Variants in ERGIC2 observed in about 807,000 individuals in gnomAD.
ERGIC2 encodes endoplasmic reticulum-Golgi intermediate compartment protein 2.
ERGIC2 carries 31 observed loss-of-function variants against 52.5 expected under a neutral mutation model. The ratio of observed to expected loss-of-function variants is 0.59; its 90% confidence interval spans 0.44 to 0.80. The LOEUF is 0.80. Among genes scored for constraint, ERGIC2 ranks in the 30% least tolerant of loss-of-function variants. ERGIC2 has a pLI of 0.00. For missense variants in ERGIC2, 395 were observed against 455.2 expected (o/e 0.87, Z 1.20); for synonymous variants, 129 against 140.6 (o/e 0.92, Z 0.58).
At chr12:29,353,891 C>G (rs1425182291) in intron 8 of ERGIC2, among the ~76,000 whole-genome samples, 2 of 152,086 alleles carry the variant, frequency 1.3e-5, no homozygotes, top group Non-Finnish European at 2.9e-5. Context: ...GATGGATATT[C>G]AGAATTTACC....
intron 8 of ERGIC2, 28 bp downstream of exon 8, chr12:29,356,354 G>GT (rs1182296915): frequency 2.3e-6 from 3 of 1,294,124 alleles, no homozygotes; most frequent in Non-Finnish European, 3.4e-6. Flanking sequence ...TTTGTCTAAA[G>GT]TATTTTCAGT....
At chr12:29,357,747 G>A (rs1010569493) in intron 6 of ERGIC2, 23 bp from the exon 7 acceptor site, 16 of 1,342,792 alleles carry the variant, frequency 1.2e-5, no homozygotes, top group Middle Eastern at 1.8e-4. Context: ...CAATAATTTA[G>A]AACTACAGAA....
At chr12:29,359,839 C>T (rs1373082635) in intron 6 of ERGIC2, among the ~76,000 whole-genome samples, 4 of 151,598 alleles carry the variant, frequency 2.6e-5, no homozygotes, top group Non-Finnish European at 5.9e-5. Context: ...CAAGACATAA[C>T]CTAGAAAATA....
At chr12:29,372,039 C>T (rs527597024) in intron 1 of ERGIC2, among the ~76,000 whole-genome samples, 154 of 152,218 alleles carry the variant, frequency 1.0e-3, no homozygotes, top group African/African-American at 3.6e-3. Flanking sequence ...CCTGCTCATA[C>T]ATTACTAACA....
At chr12:29,356,618 G>A (rs937199709) in intron 7 of ERGIC2, 141 bp from the exon 8 acceptor site, 12 of 490,474 alleles carry the variant, frequency 2.4e-5, no homozygotes, top group African/African-American at 2.4e-4. Context: ...ATAGTTTCCT[G>A]AAGTCTAGAC....
chr12:29,349,967 T>G, intron 9 of ERGIC2, 46 bp downstream of exon 9: 1 of 1,243,078 alleles, frequency 8.0e-7, no homozygotes, highest in Non-Finnish European at 1.2e-6. Context: ...AAAAATAATA[T>G]TTTTTCAAGT....
At position 29,354,378 on chromosome 12, in the gene ERGIC2, T is replaced by G. The variant is rs572966803; in HGVS notation, c.572+2004A>C. Among the ~76,000 whole-genome samples, 3 of 152,362 alleles carry G rather than the reference T, an allele frequency of 2.0e-5. No individual in the cohort carries two copies. In the East Asian group the frequency reaches 5.8e-4, roughly 29 times the overall value. ...ATGATATCTGAGTAGCCAATACATC[T>G]GTTTCAGTCTGCATTTGTAGCAATT... On this transcript the variant is annotated intron_variant, in intron 8 of 13. Transcript: ENST00000360150.
chr12:29,366,102 A>G (rs1281285606), intron 5 of ERGIC2, among the ~76,000 whole-genome samples: 1 of 151,934 alleles, frequency 6.6e-6, no homozygotes, highest in Non-Finnish European at 1.5e-5. Context: ...CAAATTTGCT[A>G]AAAGAAAGGT....
intron 1 of ERGIC2, among the ~76,000 whole-genome samples, chr12:29,376,040 A>C (rs1952747245): frequency 6.6e-6 from 1 of 152,158 alleles, no homozygotes; most frequent in Non-Finnish European, 1.5e-5. Flanking sequence ...TCCAATCCTT[A>C]GTCATTTCTG....
chr12:29,367,754 T>A (rs1330014565), intron 4 of ERGIC2, among the ~76,000 whole-genome samples: 1 of 151,874 alleles, frequency 6.6e-6, no homozygotes, highest in African/African-American at 2.4e-5. Context: ...TCTGGCATAT[T>A]AGCATTTTTC....
intron 8 of ERGIC2, among the ~76,000 whole-genome samples, chr12:29,350,494 T>C (rs1039778638): frequency 3.3e-5 from 5 of 152,208 alleles, no homozygotes; most frequent in Non-Finnish European, 7.4e-5. Context: ...TAAATCTTTA[T>C]CTGATGATGA....
At chr12:29,361,786 T>A in intron 5 of ERGIC2, 101 bp from the exon 6 acceptor site, 1 of 858,286 alleles carries the variant, frequency 1.2e-6, no homozygotes, top group Non-Finnish European at 1.7e-6. Flanking sequence ...TAAACTTAAG[T>A]GTTGTTAAAA....
rs1565533412 is a variant in ERGIC2, at chr12:29,338,991, G to GA, written c.*2164dup. 6.6e-6 allele frequency: 1 copy of GA among 152,154 alleles called. No homozygotes were observed. Among genetic ancestry groups the GA allele is most frequent in the Non-Finnish European group, 1.5e-5 (1 of 68,016 alleles). 9.4% of individuals were successfully genotyped at this position (152,154 alleles called of 1,614,324 possible). The stretch of plus-strand genomic sequence containing the variant: ...GTAAAGTGCTCTCTGCAATAGAAAA[G>GA]AATCACTTGGTGAGGCCAAAAACTC... On this transcript the variant is annotated 3_prime_UTR_variant, in exon 14 of 14. Transcript: ENST00000360150.
At chr12:29,375,232 C>T (rs1940499044) in intron 1 of ERGIC2, among the ~76,000 whole-genome samples, 1 of 152,198 alleles carries the variant, frequency 6.6e-6, no homozygotes, top group South Asian at 2.1e-4. Context: ...CTATCTGCTT[C>T]TAGAACGTTG....
chr12:29,350,055 G>C lies in ERGIC2; in HGVS notation c.586C>G (p.Pro196Ala). The change falls in exon 9 of 14, where the codon CCT (proline) becomes GCT (alanine). Residue 196 changes from proline (P) to alanine (A), a missense_variant. Pro to Ala is a conservative substitution (Grantham distance 27). Coordinates refer to ENST00000360150, the MANE Select transcript of ERGIC2 (RefSeq NM_016570.3). The part of the protein sequence containing the change: ...HITVGKAIPH[P>A]RGHAHLAALV... ...GCTGCCAAATGTGCATGACCACGAGGATGTGGAATTGCCCTGAAAGGAGAA... is the reference window on the plus strand; with the variant it reads ...GCTGCCAAATGTGCATGACCACGAGCATGTGGAATTGCCCTGAAAGGAGAA... 1 of 1,603,718 alleles carries C rather than the reference G, an allele frequency of 6.2e-7. No individual in the cohort carries two copies. The highest frequency in any genetic ancestry group is 8.5e-7 in the Non-Finnish European group (1 of 1,171,676).
At chr12:29,355,512 G>C (rs937100898) in intron 8 of ERGIC2, among the ~76,000 whole-genome samples, 3 of 152,058 alleles carry the variant, frequency 2.0e-5, no homozygotes, top group African/African-American at 7.2e-5. Flanking sequence ...AAGAAGGGAG[G>C]GAAAGATGGA....
chr12:29,369,979 G>A, intron 3 of ERGIC2, 135 bp downstream of exon 3: 1 of 770,190 alleles, frequency 1.3e-6, no homozygotes, highest in Non-Finnish European at 1.8e-6. Context: ...CAATTAATGA[G>A]AATTTTTCAG....
intron 8 of ERGIC2, 64 bp downstream of exon 8, chr12:29,356,318 G>C (rs888295280): frequency 4.4e-5 from 44 of 998,318 alleles, no homozygotes; most frequent in South Asian, 2.5e-4. Context: ...CCATCGGCCA[G>C]AATTTACTTT....
Position 29,364,693 on chromosome 12 carries a change from T to C in ERGIC2, c.333+2184A>G, listed in dbSNP as rs552835904. Among the ~76,000 whole-genome samples, 39 of 151,972 alleles carry C rather than the reference T, an allele frequency of 2.6e-4. No homozygotes were observed. In the South Asian group the frequency reaches 6.0e-3, roughly 23 times the overall value. ...AGACAACCTACAGAATGTGAGAAAA[T>C]ATTCACAAACTATGCATCTGATAAA... On this transcript the variant is annotated intron_variant, in intron 5 of 13. Coordinates refer to ENST00000360150, the MANE Select transcript of ERGIC2 (RefSeq NM_016570.3).
Sources: allele counts gnomAD v4.1 joint callset (sites outside exome capture counted in the v4.1 genomes callset), GRCh38; gene constraint gnomAD v4.1.1; transcripts MANE v1.5; gene names NCBI Gene and HGNC (gene_info 2026-07-23, HGNC 2026-07-21).